The following SSBP3 variants were observed in gnomAD, a reference collection of about 807,000 sequenced individuals.
SSBP3 encodes the protein single stranded DNA binding protein 3.
Under a neutral mutation model 69.6 loss-of-function variants are expected in SSBP3, and 5 were observed. That is an observed-to-expected ratio of 0.07 (90% confidence interval 0.04 to 0.15). The LOEUF (loss-of-function observed/expected upper bound fraction) is 0.15, where lower values mean the gene tolerates loss of function less well. Among genes scored for constraint, SSBP3 ranks in the 10% least tolerant of loss-of-function variants. The probability of loss-of-function intolerance (pLI) is 1.00; values close to 1 mark genes in which losing one functional copy is unlikely to be tolerated. For missense variants in SSBP3, 312 were observed against 534.0 expected, an observed-to-expected ratio of 0.58 and a Z score of 4.10; for synonymous variants, 196 against 193.4, an observed-to-expected ratio of 1.01 and a Z score of -0.11.
Position 54,400,002 on chromosome 1 carries a change from C to T in SSBP3, c.276+1859G>A, listed in dbSNP as rs184119839. 1.8e-4 allele frequency among the ~76,000 whole-genome samples: 27 copies of T among 152,250 alleles called. No individual in the cohort carries two copies. The East Asian group carries it at 5.2e-3, about 29-fold the overall frequency. ...CCCCACACATATGAAGTGTAGGCCT[C>T]AATTAGGGTGACCTCATCTCTTAGT... On this transcript the variant is annotated intron_variant, in intron 4 of 17. Transcript: ENST00000610401.
In SSBP3 at chr1:54,301,720, C is replaced by A. The variant is rs369179345; in HGVS notation, c.277-20193G>T. On this transcript the variant is annotated intron_variant, in intron 4 of 17. Coordinates refer to ENST00000610401, the Ensembl canonical transcript of SSBP3. Reference sequence around the variant, plus strand: ...CCATTCAGAGCCAAGCGAGGCTGAGCAGATGGGAAGCCAGGCATCCCCCAC... The same window carrying A: ...CCATTCAGAGCCAAGCGAGGCTGAGAAGATGGGAAGCCAGGCATCCCCCAC... 2.0e-5 allele frequency among the ~76,000 whole-genome samples: 3 copies of A among 152,336 alleles called. No homozygotes were observed. The East Asian group carries it at 5.8e-4, about 29-fold the overall frequency.
intron 4 of SSBP3, among the ~76,000 whole-genome samples, chr1:54,311,419 G>A (rs1645999508): frequency 6.6e-6 from 1 of 152,200 alleles, no homozygotes; most frequent in South Asian, 2.1e-4. Flanking sequence ...AACTTTCCAG[G>A]CAAAGTGAAG....
At chr1:54,367,659 C>T (rs2100660261) in intron 4 of SSBP3, among the ~76,000 whole-genome samples, 1 of 152,302 alleles carries the variant, frequency 6.6e-6, no homozygotes, top group Middle Eastern at 3.4e-3. Context: ...GTTACCTGGG[C>T]CAAAGGCTGC....
intron 6 of SSBP3, among the ~76,000 whole-genome samples, chr1:54,257,698 A>G (rs1476747606): frequency 6.6e-6 from 1 of 152,146 alleles, no homozygotes; most frequent in Non-Finnish European, 1.5e-5. Context: ...GGGGAATGGC[A>G]GGAAAGCTTT....
At chr1:54,390,143 A>G (rs1368131044) in intron 4 of SSBP3, among the ~76,000 whole-genome samples, 2 of 152,156 alleles carry the variant, frequency 1.3e-5, no homozygotes, top group Admixed American at 6.5e-5. Context: ...TGTCCCCTAC[A>G]TTGTCCAACA....
At chr1:54,231,976 G>T (rs1644387260) in intron 14 of SSBP3, among the ~76,000 whole-genome samples, 1 of 152,202 alleles carries the variant, frequency 6.6e-6, no homozygotes, top group Non-Finnish European at 1.5e-5. Flanking sequence ...TTATAGGTGT[G>T]AGCCACCATG....
Position 54,229,288 on chromosome 1 carries a change from G to A in SSBP3, c.928-462C>T, listed in dbSNP as rs191904559. Among the ~76,000 whole-genome samples the A allele has an allele frequency of 6.8e-4, 103 of 152,312 alleles. 1 individual carries two copies. Among genetic ancestry groups the A allele is most frequent in the Admixed American group, 1.3e-3 (20 of 15,308 alleles). ...AGTGAGAGGAAACGCTTTGCTTGAG[G>A]TCCCAGAGGCTGGAGGTGGAGGAGC... On this transcript the variant is annotated intron_variant, in intron 14 of 17. Coordinates refer to ENST00000610401, the Ensembl canonical transcript of SSBP3.
chr1:54,379,363 T>C (rs1439045884), intron 4 of SSBP3, among the ~76,000 whole-genome samples: 3 of 152,130 alleles, frequency 2.0e-5, no homozygotes, highest in African/African-American at 7.2e-5. Flanking sequence ...AATTAACCTG[T>C]AATGAAGGTG....
At chr1:54,233,945 G>A (rs1316458584) in intron 14 of SSBP3, among the ~76,000 whole-genome samples, 1 of 152,244 alleles carries the variant, frequency 6.6e-6, no homozygotes, top group Non-Finnish European at 1.5e-5. Flanking sequence ...AAATCGGATG[G>A]TTGCCGTGTC....
intron 4 of SSBP3, among the ~76,000 whole-genome samples, chr1:54,304,498 G>C (rs1645861496): frequency 6.6e-6 from 1 of 152,256 alleles, no homozygotes; most frequent in Non-Finnish European, 1.5e-5. Context: ...CCAGGGAAGA[G>C]AAGCCAGGTG....
rs1472093421 is a variant in SSBP3, at chr1:54,319,155, T to TA, written c.277-37629dup. Among the ~76,000 whole-genome samples the TA allele has an allele frequency of 3.9e-5, 6 of 152,270 alleles. No homozygotes were observed. In the East Asian group the frequency reaches 1.2e-3, roughly 29 times the overall value. On this transcript the variant is annotated intron_variant, in intron 4 of 17. Coordinates refer to ENST00000610401, the Ensembl canonical transcript of SSBP3. ...CTACATGTGTTCTTTCTAATCCTTC[T>TA]AATAACCTAGAGAAGTGAGGAAGTA...
intron 4 of SSBP3, among the ~76,000 whole-genome samples, chr1:54,298,412 T>C (rs1337679142): frequency 6.6e-6 from 1 of 152,120 alleles, no homozygotes; most frequent in Non-Finnish European, 1.5e-5. Flanking sequence ...CAGACCTGCC[T>C]ACTCCCACCA....
chr1:54,269,971 T>C lies in SSBP3; in HGVS notation c.366+11467A>G, dbSNP rs371214597. On this transcript the variant is annotated intron_variant, in intron 5 of 17. Transcript: ENST00000610401. ...ATTGTGTGGGGGCCAGAGGCTGCCC[T>C]ACCTCCCAACCCTGGGAGCACAGCG... Among the ~76,000 whole-genome samples, 29 of 152,340 alleles carry C rather than the reference T, an allele frequency of 1.9e-4. No individual in the cohort carries two copies. The East Asian group carries it at 5.0e-3, about 26-fold the overall frequency.
intron 4 of SSBP3, among the ~76,000 whole-genome samples, chr1:54,363,308 A>T (rs917309442): frequency 5.9e-5 from 9 of 152,178 alleles, no homozygotes; most frequent in African/African-American, 2.2e-4. Context: ...CCCTCTCCCT[A>T]CCAGCCATCT....
chr1:54,336,322 C>G (rs535773478), intron 4 of SSBP3, among the ~76,000 whole-genome samples: 2 of 152,218 alleles, frequency 1.3e-5, no homozygotes, highest in South Asian at 4.1e-4. Context: ...GGGGACTCAC[C>G]GGAAATCTTC....
exon 5 of SSBP3, chr1:54,281,468 C>T (rs374941335): frequency 2.8e-5 from 44 of 1,566,976 alleles, no homozygotes; most frequent in East Asian, 4.8e-5. Flanking sequence ...TGGGGCCTCC[C>T]GGCATCCCAT....
chr1:54,237,821 T>C (rs990194160), intron 14 of SSBP3: 45 of 276,912 alleles, frequency 1.6e-4, no homozygotes, highest in African/African-American at 9.4e-4. Context: ...GCTGCTAACA[T>C]GCATGACTGC....
At chr1:54,325,445 G>A (rs867167679) in intron 4 of SSBP3, 2 of 167,168 alleles carry the variant, frequency 1.2e-5, no homozygotes, top group Non-Finnish European at 2.9e-5. Context: ...GAAGACAGGA[G>A]TGGAAGGTGG....
chr1:54,400,315 T>C (rs1390576479), intron 4 of SSBP3, among the ~76,000 whole-genome samples: 1 of 106,642 alleles, frequency 9.4e-6, no homozygotes. Context: ...AAAATGAAAC[T>C]ATTTACATAG....
Sources: allele counts gnomAD v4.1 joint callset (sites outside exome capture counted in the v4.1 genomes callset), GRCh38; gene constraint gnomAD v4.1.1; transcripts MANE v1.5; gene names NCBI Gene and HGNC (gene_info 2026-07-23, HGNC 2026-07-21).